Variants in GDAP1 observed in about 807,000 individuals in gnomAD.
GDAP1 encodes the protein ganglioside induced differentiation associated protein 1.
A neutral mutation model predicts 40.1 loss-of-function variants in GDAP1; 34 were observed. That is an observed-to-expected ratio of 0.85 (90% CI 0.64 to 1.13). GDAP1 has a LOEUF of 1.13. Ranked by LOEUF, GDAP1 falls within the 50% of genes most tolerant of loss-of-function variation. The pLI, the probability that GDAP1 is intolerant of heterozygous loss-of-function variation, is 0.00. For missense variants in GDAP1, 374 were observed against 433.7 expected (o/e 0.86, Z 1.22); for synonymous variants, 170 against 157.4 (o/e 1.08, Z -0.60).
intron 2 of GDAP1, among the ~76,000 whole-genome samples, chr8:74,486,961 C>T (rs1303996210): frequency 6.6e-6 from 1 of 152,136 alleles, no homozygotes; most frequent in East Asian, 1.9e-4. Context: ...TTAAATTATT[C>T]TATCTCACTT....
intron 1 of GDAP1, among the ~76,000 whole-genome samples, chr8:74,350,847 C>T (rs906695104): frequency 7.9e-5 from 12 of 152,286 alleles, no homozygotes; most frequent in Non-Finnish European, 1.2e-4. Context: ...GTCTGGAGGC[C>T]TTGCCTGCTG....
At chr8:74,354,148 A>G (rs1808999420) in intron 2 of GDAP1, among the ~76,000 whole-genome samples, 1 of 152,180 alleles carries the variant, frequency 6.6e-6, no homozygotes, top group Non-Finnish European at 1.5e-5. Context: ...GATTTCTCAT[A>G]CCAGATTACC....
rs191146330 is a variant in GDAP1 at position 74,381,617 on chromosome 8, G to C, written c.165+30296G>C. Among the ~76,000 whole-genome samples, 25 of 151,988 alleles carry C rather than the reference G, an allele frequency of 1.6e-4. No individual in the cohort carries two copies. The East Asian group carries it at 4.5e-3, about 27-fold the overall frequency. The stretch of plus-strand genomic sequence containing the variant: ...CTAAAAATACAAAAATTAGTTGGAC[G>C]TGGTGGCAGGTGCCTGTAATCCCAG... On this transcript the variant is annotated intron_variant, in intron 2 of 2. Coordinates refer to the GDAP1 transcript ENST00000523640.
chr8:74,422,285 T>TTTTCTTTA, intron 2 of GDAP1, among the ~76,000 whole-genome samples: 1 of 87,690 alleles, frequency 1.1e-5, no homozygotes. Flanking sequence ...TTCTTTTTTC[T>TTTTCTTTA]TTTCTTTCTT....
At chr8:74,469,429 G>A (rs1806515493) in intron 2 of GDAP1, among the ~76,000 whole-genome samples, 1 of 152,208 alleles carries the variant, frequency 6.6e-6, no homozygotes, top group South Asian at 2.1e-4. Context: ...AGCACTTTGG[G>A]AGGCCGAGGA....
chr8:74,488,194 TTCC>T (rs1389155016), intron 2 of GDAP1, among the ~76,000 whole-genome samples: 3 of 152,212 alleles, frequency 2.0e-5, no homozygotes. Context: ...CATTCATTCA[TTCC>T]TCTACTTTGA....
chr8:74,435,088 A>C (rs1806072207), intron 2 of GDAP1, among the ~76,000 whole-genome samples: 1 of 152,254 alleles, frequency 6.6e-6, no homozygotes, highest in African/African-American at 2.4e-5. Flanking sequence ...AAGTAATTTG[A>C]ATAGATATTA....
At chr8:74,433,716 G>A (rs1806054539) in intron 2 of GDAP1, among the ~76,000 whole-genome samples, 2 of 152,100 alleles carry the variant, frequency 1.3e-5, no homozygotes, top group Non-Finnish European at 2.9e-5. Context: ...TTTGGCTATC[G>A]GGAGGTGATC....
At chr8:74,449,198 A>G (rs1288997460) in intron 2 of GDAP1, among the ~76,000 whole-genome samples, 1 of 151,652 alleles carries the variant, frequency 6.6e-6, no homozygotes. Flanking sequence ...TATTTTATTG[A>G]TCTATTTGCT....
chr8:74,361,600 T>C (rs1432139029), intron 3 of GDAP1, among the ~76,000 whole-genome samples: 1 of 152,116 alleles, frequency 6.6e-6, no homozygotes, highest in Non-Finnish European at 1.5e-5. Context: ...TTTCACCACG[T>C]TGGCCAAGAT....
intron 2 of GDAP1, among the ~76,000 whole-genome samples, chr8:74,387,305 T>C (rs1480391991): frequency 6.6e-6 from 1 of 152,240 alleles, no homozygotes; most frequent in Non-Finnish European, 1.5e-5. Flanking sequence ...CAGTGTGATA[T>C]TGGCCATGGG....
intron 2 of GDAP1, among the ~76,000 whole-genome samples, chr8:74,482,527 A>C (rs1028724781): frequency 1.3e-5 from 2 of 152,196 alleles, no homozygotes; most frequent in Admixed American, 1.3e-4. Context: ...AAAATGGTTA[A>C]AAAATGAAAA....
intron 2 of GDAP1, among the ~76,000 whole-genome samples, chr8:74,374,603 G>T (rs1301880319): frequency 2.6e-5 from 4 of 151,824 alleles, no homozygotes; most frequent in Non-Finnish European, 5.9e-5. Flanking sequence ...ACCCCAAAAG[G>T]ATAAATCAAG....
rs543642800 is a variant in GDAP1 at position 74,381,680 on chromosome 8, C to T, written c.165+30359C>T. Reference sequence around the variant, plus strand: ...CTGAGGCAGGAGAATCGCTTGAACCCGGGAGGCAGAGGTTGCAGTGAGCTG... The same window carrying T: ...CTGAGGCAGGAGAATCGCTTGAACCTGGGAGGCAGAGGTTGCAGTGAGCTG... On this transcript the variant is annotated intron_variant, in intron 2 of 2. Transcript: ENST00000523640. Among the ~76,000 whole-genome samples the T allele has an allele frequency of 2.4e-3, 358 of 151,498 alleles. 2 individuals are homozygous for T. Among genetic ancestry groups the T allele is most frequent in the African/African-American group, 8.1e-3 (335 of 41,246 alleles).
intron 2 of GDAP1, 94 bp downstream of exon 2, chr8:74,351,560 C>G: frequency 1.0e-6 from 1 of 966,824 alleles, no homozygotes; most frequent in Non-Finnish European, 1.7e-6. Flanking sequence ...CTCTCTTTCT[C>G]TTGTGTCATG....
At chr8:74,359,421 A>T (rs968096024) in intron 2 of GDAP1, among the ~76,000 whole-genome samples, 1 of 152,224 alleles carries the variant, frequency 6.6e-6, no homozygotes, top group African/African-American at 2.4e-5. Flanking sequence ...TTGGATTTTA[A>T]CTAGCAAATA....
chr8:74,484,747 T>C (rs571339116), intron 2 of GDAP1, among the ~76,000 whole-genome samples: 12 of 152,218 alleles, frequency 7.9e-5, no homozygotes, highest in Admixed American at 7.9e-4. Flanking sequence ...TGCATTCTGC[T>C]TGTTATTTCT....
At chr8:74,358,690 T>C (rs562985343) in intron 2 of GDAP1, among the ~76,000 whole-genome samples, 59 of 152,308 alleles carry the variant, frequency 3.9e-4, no homozygotes, top group Non-Finnish European at 7.5e-4. Context: ...TATAAAAATA[T>C]CTTTGTAGAT....
chr8:74,471,150 C>G (rs961543034), intron 2 of GDAP1, among the ~76,000 whole-genome samples: 1 of 151,960 alleles, frequency 6.6e-6, no homozygotes, highest in African/African-American at 2.4e-5. Flanking sequence ...GATATTAGCC[C>G]TTTGTCAGAT....
Sources: gnomAD v4.1 joint callset for allele counts (sites outside exome capture counted in the v4.1 genomes callset) on GRCh38, gnomAD v4.1.1 for gene constraint, MANE v1.5 for transcripts, NCBI Gene and HGNC (gene_info 2026-07-23, HGNC 2026-07-21) for gene names.